SMCO2: variants seen among roughly 807,000 people sequenced by gnomAD.
SMCO2 encodes the protein single-pass membrane protein with coiled-coil domains 2.
A neutral mutation model predicts 29.5 loss-of-function variants in SMCO2; 25 were observed. The ratio of observed to expected loss-of-function variants is 0.85; its 90% CI spans 0.62 to 1.18. The LOEUF (loss-of-function observed/expected upper bound fraction) is 1.18. Ranked by LOEUF, SMCO2 falls within the 50% of genes most tolerant of loss-of-function variation. The pLI is 0.00. For missense variants in SMCO2, 348 were observed against 344.5 expected, an observed-to-expected ratio of 1.01 and a Z score of -0.08; for synonymous variants, 117 against 123.3, an observed-to-expected ratio of 0.95 and a Z score of 0.34.
intron 4 of SMCO2, among the ~76,000 whole-genome samples, chr12:27,479,124 G>A (rs564835260): frequency 2.6e-5 from 4 of 152,324 alleles, no homozygotes; most frequent in Admixed American, 2.6e-4. Context: ...CCCCTAGGCA[G>A]TGCAGCAATA....
chr12:27,493,592 A>C (rs904605533), intron 5 of SMCO2, among the ~76,000 whole-genome samples: 1 of 152,168 alleles, frequency 6.6e-6, no homozygotes, highest in Non-Finnish European at 1.5e-5. Context: ...CTTGAATCCT[A>C]GTATACTCTT....
chr12:27,436,780 T>C, the SMCO2 span, among the ~76,000 whole-genome samples: 1 of 152,158 alleles, frequency 6.6e-6, no homozygotes, highest in African/African-American at 2.4e-5. Context: ...GGTGGTAAGA[T>C]AGTGCCCCTC....
intron 4 of SMCO2, among the ~76,000 whole-genome samples, chr12:27,480,254 G>C (rs1949630236): frequency 6.6e-6 from 1 of 152,204 alleles, no homozygotes; most frequent in South Asian, 2.1e-4. Flanking sequence ...GCAGCCGATT[G>C]GATGGTGTCC....
chr12:27,441,675 G>A, the SMCO2 span, among the ~76,000 whole-genome samples: 1 of 152,126 alleles, frequency 6.6e-6, no homozygotes, highest in South Asian at 2.1e-4. Context: ...CATCCAGACA[G>A]AAAATCAACA....
chr12:27,489,461 A>G (rs78109269), intron 5 of SMCO2, among the ~76,000 whole-genome samples: 10,177 of 152,216 alleles, frequency 0.067, 721 homozygotes, highest in East Asian at 0.26. Context: ...GGCTTGAAGA[A>G]AGGTCCCTGA....
At chr12:27,464,600 C>T (rs1455615480), upstream of SMCO2, among the ~76,000 whole-genome samples, 2 of 151,064 alleles carry the variant, frequency 1.3e-5, no homozygotes, top group Non-Finnish European at 2.9e-5. Context: ...GCTTGCAGTC[C>T]CAGCTACTCG....
At chr12:27,480,408 G>A (rs1042778977) in intron 4 of SMCO2, among the ~76,000 whole-genome samples, 1 of 152,156 alleles carries the variant, frequency 6.6e-6, no homozygotes, top group African/African-American at 2.4e-5. Flanking sequence ...GTGGCTAGTG[G>A]AGTGGACTTC....
intron 5 of SMCO2, among the ~76,000 whole-genome samples, chr12:27,492,038 T>G (rs577019393): frequency 6.6e-6 from 1 of 152,282 alleles, no homozygotes; most frequent in South Asian, 2.1e-4. Context: ...TAAAACATTA[T>G]GAAATGATTT....
the SMCO2 span, among the ~76,000 whole-genome samples, chr12:27,444,223 G>T: frequency 6.6e-6 from 1 of 152,134 alleles, no homozygotes; most frequent in Admixed American, 6.5e-5. Flanking sequence ...TTTGACGAAG[G>T]CATCAAGAAC....
At chr12:27,429,364 A>T in the SMCO2 span, among the ~76,000 whole-genome samples, 1 of 152,006 alleles carries the variant, frequency 6.6e-6, no homozygotes, top group Non-Finnish European at 1.5e-5. Flanking sequence ...TTATATTCTA[A>T]TGACTTTTTT....
chr12:27,493,051 A>C (rs1265625357), intron 5 of SMCO2, among the ~76,000 whole-genome samples: 1 of 152,248 alleles, frequency 6.6e-6, no homozygotes, highest in Non-Finnish European at 1.5e-5. Flanking sequence ...ATGGAGCCGG[A>C]GGTTGTCATC....
chr12:27,459,288 C>T, the SMCO2 span, among the ~76,000 whole-genome samples: 5 of 151,556 alleles, frequency 3.3e-5, no homozygotes, highest in South Asian at 4.2e-4. Flanking sequence ...TAACAAAGAA[C>T]GAGATCATTC....
chr12:27,445,569 G>C, the SMCO2 span, among the ~76,000 whole-genome samples: 1 of 152,174 alleles, frequency 6.6e-6, no homozygotes, highest in African/African-American at 2.4e-5. Flanking sequence ...CTGAAAACTT[G>C]CAACGTAAAC....
In SMCO2 at chr12:27,470,583, G is replaced by A. The variant is rs116271792; in HGVS notation, c.-10-39G>A. On this transcript the variant is annotated intron_variant, in intron 1 of 7. Transcript: ENST00000298876. ...TGAAGAGGATGTGGTTGCCATTTCT[G>A]CCATAAAATCCCTCTTGTTGTCATT... 196 of 1,534,774 alleles carry A rather than the reference G, an allele frequency of 1.3e-4. No homozygotes were observed. In the African/African-American group the frequency reaches 1.6e-3, roughly 13 times the overall value.
chr12:27,428,720 T>G, the SMCO2 span, among the ~76,000 whole-genome samples: 2 of 151,964 alleles, frequency 1.3e-5, no homozygotes, highest in Admixed American at 1.3e-4. Flanking sequence ...CACTCCTGGC[T>G]CCTGGCTGAC....
chr12:27,475,587 T>C (rs1949578689), intron 4 of SMCO2: 1 of 1,533,826 alleles, frequency 6.5e-7, no homozygotes, highest in Non-Finnish European at 8.8e-7. Context: ...CGCAGGTGTC[T>C]GAAGGGCATG....
the SMCO2 span, among the ~76,000 whole-genome samples, chr12:27,439,771 A>G: frequency 6.6e-6 from 1 of 152,160 alleles, no homozygotes; most frequent in Admixed American, 6.5e-5. Context: ...GTGAGCTTGA[A>G]GACTGGCATT....
At chr12:27,440,604 T>TG in the SMCO2 span, among the ~76,000 whole-genome samples, 244 of 149,910 alleles carry the variant, frequency 1.6e-3, 1 homozygote, top group Non-Finnish European at 2.6e-3. Flanking sequence ...AAAGTCAAAA[T>TG]GTGTGCTGGG....
the SMCO2 span, chr12:27,424,791 C>T: frequency 6.6e-6 from 1 of 152,218 alleles, no homozygotes; most frequent in Non-Finnish European, 1.5e-5. Flanking sequence ...AGAAAAGCTG[C>T]TAAGTGGCCA....
Sources: allele counts gnomAD v4.1 joint callset (sites outside exome capture counted in the v4.1 genomes callset), GRCh38; gene constraint gnomAD v4.1.1; transcripts MANE v1.5; gene names NCBI Gene and HGNC (gene_info 2026-07-23, HGNC 2026-07-21).